FER1L6: variants seen among roughly 807,000 people sequenced by gnomAD.
FER1L6 encodes fer-1 like family member 6.
FER1L6 carries 177 observed loss-of-function variants against 219.2 expected under a neutral mutation model. The ratio of observed to expected loss-of-function variants is 0.81; its 90% CI spans 0.71 to 0.91. FER1L6 has a LOEUF of 0.91. Among genes scored for constraint, FER1L6 ranks in the 40% least tolerant of loss-of-function variants. The pLI is 0.00. For missense variants in FER1L6, 2,153 were observed against 2,259.9 expected (o/e 0.95, Z 0.96); for synonymous variants, 768 against 824.3 (o/e 0.93, Z 1.17).
chr8:123,876,753 T>C (rs1461851018), intron 1 of FER1L6, among the ~76,000 whole-genome samples: 1 of 152,226 alleles, frequency 6.6e-6, no homozygotes, highest in Non-Finnish European at 1.5e-5. Flanking sequence ...GGCTGACATG[T>C]CATAAGTGTA....
Position 124,100,953 on chromosome 8 carries a change from A to G in FER1L6, c.4884-144A>G, listed in dbSNP as rs372015778. Reference sequence around the variant, plus strand: ...CCCTATTTTATTCTTTCAAGTTAAAATGGAAACTTCCAACTGAATCTAATT... The same window carrying G: ...CCCTATTTTATTCTTTCAAGTTAAAGTGGAAACTTCCAACTGAATCTAATT... On this transcript the variant is annotated intron_variant, in intron 37 of 40. Coordinates refer to ENST00000522917, the MANE Select transcript of FER1L6 (RefSeq NM_001039112.2). 5.0e-6 allele frequency: 4 copies of G among 796,370 alleles called. No individual in the cohort carries two copies. The East Asian group carries it at 7.8e-5, about 16-fold the overall frequency. 49.3% of individuals were successfully genotyped at this position (796,370 alleles called of 1,614,324 possible).
At chr8:123,866,858 C>T (rs897956261) in intron 1 of FER1L6, among the ~76,000 whole-genome samples, 1 of 152,122 alleles carries the variant, frequency 6.6e-6, no homozygotes, top group Admixed American at 6.5e-5. Context: ...GCCTCTAGCA[C>T]TCCTCTGGCC....
At chr8:124,036,602 TGA>T (rs924196578) in intron 19 of FER1L6, among the ~76,000 whole-genome samples, 3 of 152,164 alleles carry the variant, frequency 2.0e-5, no homozygotes. Context: ...CACCATACCT[TGA>T]GAGAGTTTTC....
chr8:124,064,848 G>A (rs757642716), intron 26 of FER1L6, among the ~76,000 whole-genome samples: 5 of 152,178 alleles, frequency 3.3e-5, no homozygotes, highest in Admixed American at 2.0e-4. Context: ...GCTTGGAAAG[G>A]CCATGGGTTT....
intron 6 of FER1L6, among the ~76,000 whole-genome samples, chr8:123,971,051 A>G (rs2130258452): frequency 6.6e-6 from 1 of 152,354 alleles, no homozygotes; most frequent in South Asian, 2.1e-4. Flanking sequence ...CTGGAGAATA[A>G]GGGAATGATT....
In FER1L6 at chr8:124,076,430, T is replaced by C. The variant is rs73330135; in HGVS notation, c.4220+105T>C. The C allele has an allele frequency of 8.6e-3, 9,733 of 1,133,354 alleles. 505 individuals carry two copies. The African/African-American group carries it at 0.12, about 14-fold the overall frequency. 70.2% of individuals were successfully genotyped at this position (1,133,354 alleles called of 1,614,324 possible). On this transcript the variant is annotated intron_variant, in intron 32 of 40. Transcript: ENST00000522917. ...TGTTTGTGTTCCTGGGTGAAATGGTTCCAGGAGGTTAAATACTGGCTTCTG... is the reference window on the plus strand; with the variant it reads ...TGTTTGTGTTCCTGGGTGAAATGGTCCCAGGAGGTTAAATACTGGCTTCTG...
chr8:123,939,547 G>C (rs1814145719), intron 1 of FER1L6, among the ~76,000 whole-genome samples: 1 of 152,184 alleles, frequency 6.6e-6, no homozygotes, highest in African/African-American at 2.4e-5. Flanking sequence ...ACAGAGAAGG[G>C]AAGGAAAATT....
chr8:124,003,404 G>T, intron 13 of FER1L6, 57 bp downstream of exon 13: 5 of 977,678 alleles, frequency 5.1e-6, no homozygotes, highest in South Asian at 3.7e-5. Flanking sequence ...ATTTTGTCCA[G>T]TTTCTAGGAC....
chr8:124,034,108 A>G (rs981615724), intron 18 of FER1L6, among the ~76,000 whole-genome samples: 2 of 151,604 alleles, frequency 1.3e-5, no homozygotes, highest in African/African-American at 2.4e-5. Context: ...GTGGCCTTTC[A>G]TAATAGGATT....
At chr8:124,059,499 C>A (rs977313176) in intron 22 of FER1L6, among the ~76,000 whole-genome samples, 2 of 152,144 alleles carry the variant, frequency 1.3e-5, no homozygotes, top group African/African-American at 2.4e-5. Context: ...GTTTTGAGGG[C>A]AGTGTGGGAT....
chr8:124,091,626 G>A, intron 34 of FER1L6, 43 bp downstream of exon 34: 1 of 1,588,592 alleles, frequency 6.3e-7, no homozygotes, highest in Non-Finnish European at 8.6e-7. Flanking sequence ...CTCTTCTTTT[G>A]AAAATCCTGA....
intron 1 of FER1L6, among the ~76,000 whole-genome samples, chr8:123,923,563 A>G (rs1414591219): frequency 1.3e-5 from 2 of 152,172 alleles, no homozygotes; most frequent in African/African-American, 4.8e-5. Flanking sequence ...TTATTTTTAA[A>G]ATCAGTAATT....
intron 1 of FER1L6, among the ~76,000 whole-genome samples, chr8:123,866,768 T>C (rs3905584): frequency 0.55 from 83,123 of 151,662 alleles, 23,624 homozygotes; most frequent in African/African-American, 0.68. Context: ...CAGGTGCCTG[T>C]GACCATACCT....
At chr8:124,096,479 C>T (rs1229600698) in intron 35 of FER1L6, among the ~76,000 whole-genome samples, 1 of 152,146 alleles carries the variant, frequency 6.6e-6, no homozygotes, top group Non-Finnish European at 1.5e-5. Context: ...ACCCATATCC[C>T]TTACTCCTTT....
At position 124,091,552 on chromosome 8, in the gene FER1L6, T is replaced by A; in HGVS notation, c.4521T>A (p.Ser1507=). ...TACAGATAGGAAACCAAGTCTTTTC[T>A]GGAAAAACTATCTTCACTGAAGAGG... The part of the protein sequence containing the change: ...GKIQIGNQVF[S]GKTIFTEEDT... The change falls in exon 34 of 41, where the codon TCT becomes TCA. Residue 1507 remains serine, a synonymous_variant. Transcript: ENST00000522917. 1 of 1,614,052 alleles carries A rather than the reference T, an allele frequency of 6.2e-7. No individual in the cohort carries two copies. The highest frequency in any genetic ancestry group is 1.6e-4 in the Middle Eastern group (1 of 6,062).
chr8:124,100,278 G>T (rs565601555), intron 37 of FER1L6, among the ~76,000 whole-genome samples: 1 of 152,302 alleles, frequency 6.6e-6, no homozygotes, highest in South Asian at 2.1e-4. Flanking sequence ...TGTACTAATT[G>T]TAACTTACGT....
chr8:123,968,499 A>G (rs1311002238), intron 5 of FER1L6, among the ~76,000 whole-genome samples: 1 of 152,216 alleles, frequency 6.6e-6, no homozygotes, highest in African/African-American at 2.4e-5. Flanking sequence ...TGAGTCTGAA[A>G]CATATGAAAC....
At chr8:124,005,474 C>T (rs1817617184) in intron 13 of FER1L6, among the ~76,000 whole-genome samples, 1 of 152,238 alleles carries the variant, frequency 6.6e-6, no homozygotes, top group South Asian at 2.1e-4. Context: ...AATCTCCCTC[C>T]TCAGAACTGC....
chr8:123,969,567 A>G (rs1815702467), intron 5 of FER1L6, among the ~76,000 whole-genome samples: 2 of 152,226 alleles, frequency 1.3e-5, no homozygotes, highest in South Asian at 2.1e-4. Flanking sequence ...CACTTAATCT[A>G]TGACTTGACA....
Sources: allele counts gnomAD v4.1 joint callset (sites outside exome capture counted in the v4.1 genomes callset), GRCh38; gene constraint gnomAD v4.1.1; transcripts MANE v1.5; gene names NCBI Gene and HGNC (gene_info 2026-07-23, HGNC 2026-07-21).